The following GPHN variants were observed in gnomAD, a reference collection of about 807,000 sequenced individuals.
GPHN encodes the protein gephyrin.
In GPHN, 17 loss-of-function variants were observed where a neutral mutation model predicts 95.5. That is an observed-to-expected ratio of 0.18 (90% CI 0.12 to 0.27). The LOEUF (loss-of-function observed/expected upper bound fraction) is 0.27. GPHN is among the 10% of genes least tolerant of loss of function. The pLI is 1.00. For missense variants in GPHN, 660 were observed against 978.1 expected, an observed-to-expected ratio of 0.67 and a Z score of 4.34; for synonymous variants, 320 against 322.5, an observed-to-expected ratio of 0.99 and a Z score of 0.08.
At chr14:67,312,963 T>C in the GPHN span, among the ~76,000 whole-genome samples, 4 of 152,192 alleles carry the variant, frequency 2.6e-5, no homozygotes, top group Non-Finnish European at 4.4e-5. Context: ...CCTGTATACA[T>C]ATTAAGATGA....
At chr14:67,599,384 A>G in the GPHN span, among the ~76,000 whole-genome samples, 2 of 152,234 alleles carry the variant, frequency 1.3e-5, no homozygotes, top group Non-Finnish European at 2.9e-5. Context: ...ATTGAGGCTC[A>G]GAGAAAACAG....
intron 4 of GPHN, among the ~76,000 whole-genome samples, chr14:66,874,683 TA>T (rs1219413774): frequency 6.6e-6 from 1 of 151,780 alleles, no homozygotes; most frequent in East Asian, 1.9e-4. Context: ...ATTAATGAAA[TA>T]AAGCATGAAG....
intron 8 of GPHN, among the ~76,000 whole-genome samples, chr14:66,953,297 T>C (rs1221484386): frequency 6.6e-6 from 1 of 151,834 alleles, no homozygotes; most frequent in African/African-American, 2.4e-5. Flanking sequence ...ACTGTCTTGA[T>C]AATGTCCTTT....
chr14:66,919,461 C>T (rs745607083), intron 6 of GPHN, among the ~76,000 whole-genome samples: 11 of 152,058 alleles, frequency 7.2e-5, no homozygotes, highest in South Asian at 2.1e-4. Flanking sequence ...GAAGCCCAAA[C>T]GGGCTCAATC....
intron 2 of GPHN, among the ~76,000 whole-genome samples, chr14:66,747,628 A>G (rs2058204101): frequency 6.6e-6 from 1 of 151,550 alleles, no homozygotes; most frequent in Admixed American, 6.6e-5. Context: ...AAAAAACAAA[A>G]CTGCCCCAGA....
At chr14:66,700,201 G>A (rs1421968483) in intron 2 of GPHN, among the ~76,000 whole-genome samples, 1 of 152,148 alleles carries the variant, frequency 6.6e-6, no homozygotes, top group Non-Finnish European at 1.5e-5. Context: ...ATGGACAACT[G>A]CACAAAACCC....
intron 2 of GPHN, among the ~76,000 whole-genome samples, chr14:66,768,564 C>G (rs1227203319): frequency 1.3e-5 from 2 of 151,868 alleles, no homozygotes; most frequent in Non-Finnish European, 2.9e-5. Context: ...AGGATCAATC[C>G]ATTAGGCATA....
intron 8 of GPHN, among the ~76,000 whole-genome samples, chr14:66,963,224 A>G (rs1023291084): frequency 1.3e-5 from 2 of 151,964 alleles, no homozygotes; most frequent in African/African-American, 4.8e-5. Context: ...TAGTAGCCCG[A>G]AAGTACCTAG....
the GPHN span, among the ~76,000 whole-genome samples, chr14:67,336,007 T>C: frequency 6.6e-6 from 1 of 152,226 alleles, no homozygotes; most frequent in African/African-American, 2.4e-5. Flanking sequence ...GTAGGTCCTG[T>C]TTCCTTAATT....
chr14:67,028,008 T>C (rs2074011080), intron 10 of GPHN, among the ~76,000 whole-genome samples: 1 of 152,206 alleles, frequency 6.6e-6, no homozygotes, highest in South Asian at 2.1e-4. Context: ...TTTGTACCTT[T>C]TAGCCAACTT....
the GPHN span, chr14:67,590,313 C>T: frequency 3.0e-5 from 17 of 574,358 alleles, 1 homozygote; most frequent in African/African-American, 1.6e-4. Flanking sequence ...AGTGCAGTGG[C>T]GCAATCTCGG....
the GPHN span, chr14:67,340,449 T>C: frequency 6.2e-7 from 1 of 1,613,704 alleles, no homozygotes; most frequent in Non-Finnish European, 8.5e-7. Flanking sequence ...CCTATAGAAC[T>C]CTTCTCGCTC....
At chr14:66,904,051 A>G (rs1031300441) in intron 5 of GPHN, among the ~76,000 whole-genome samples, 1 of 152,024 alleles carries the variant, frequency 6.6e-6, no homozygotes, top group African/African-American at 2.4e-5. Flanking sequence ...TGATATATTT[A>G]TCTATTCGCC....
At chr14:67,673,239 G>A in the GPHN span, among the ~76,000 whole-genome samples, 2 of 152,264 alleles carry the variant, frequency 1.3e-5, no homozygotes, top group African/African-American at 2.4e-5. Flanking sequence ...TATTACTCCA[G>A]AGGCTGAGGC....
chr14:66,716,641 C>A (rs1344292063), intron 2 of GPHN, among the ~76,000 whole-genome samples: 1 of 151,934 alleles, frequency 6.6e-6, no homozygotes, highest in African/African-American at 2.4e-5. Flanking sequence ...TAAATAAGTT[C>A]TGTTTTGATA....
At chr14:66,557,532 A>C (rs1213955305) in intron 1 of GPHN, among the ~76,000 whole-genome samples, 1 of 152,194 alleles carries the variant, frequency 6.6e-6, no homozygotes, top group African/African-American at 2.4e-5. Flanking sequence ...TGATGATTTT[A>C]AGAAATATTC....
At chr14:67,174,622 T>C (rs2140132575) in intron 21 of GPHN, among the ~76,000 whole-genome samples, 1 of 152,292 alleles carries the variant, frequency 6.6e-6, no homozygotes, top group South Asian at 2.1e-4. Context: ...GGTCAAATGG[T>C]ATTTCTAGTT....
At chr14:67,656,374 A>T in the GPHN span, 14 of 1,495,944 alleles carry the variant, frequency 9.4e-6, no homozygotes, top group Admixed American at 4.0e-5. Flanking sequence ...TGGCCCCCTA[A>T]TTACCCCATA....
At chr14:67,539,492 A>G in the GPHN span, among the ~76,000 whole-genome samples, 16 of 152,230 alleles carry the variant, frequency 1.1e-4, no homozygotes, top group Non-Finnish European at 1.9e-4. Flanking sequence ...TTTTAGATGA[A>G]AAGTCAGGAT....
Sources: allele counts gnomAD v4.1 joint callset (sites outside exome capture counted in the v4.1 genomes callset), GRCh38; gene constraint gnomAD v4.1.1; transcripts MANE v1.5; gene names NCBI Gene and HGNC (gene_info 2026-07-23, HGNC 2026-07-21).